Variants in RAD51B observed in about 807,000 individuals in gnomAD.
RAD51B encodes the protein DNA repair protein RAD51 homolog 2.
RAD51B carries 38 observed loss-of-function variants against 42.2 expected under a neutral mutation model. That is an observed-to-expected ratio of 0.90 (90% confidence interval 0.70 to 1.18). The LOEUF (loss-of-function observed/expected upper bound fraction) is 1.18, where lower values mean the gene tolerates loss of function less well. Among genes scored for constraint, RAD51B ranks in the 50% most tolerant of loss-of-function variants. RAD51B has a pLI of 0.00. For synonymous variants in RAD51B, 154 were observed against 145.2 expected (o/e 1.06, Z -0.43); for missense variants, 373 against 400.7 (o/e 0.93, Z 0.59).
At chr14:68,650,298 C>G (rs1219328373) in intron 10 of RAD51B, among the ~76,000 whole-genome samples, 1 of 152,168 alleles carries the variant, frequency 6.6e-6, no homozygotes, top group Non-Finnish European at 1.5e-5. Context: ...ATTCCTTAAT[C>G]CTACATGTGA....
At chr14:68,148,646 T>C (rs2078307090) in intron 7 of RAD51B, among the ~76,000 whole-genome samples, 1 of 152,234 alleles carries the variant, frequency 6.6e-6, no homozygotes, top group South Asian at 2.1e-4. Flanking sequence ...GCTAGTGATA[T>C]GTGTTACGAT....
intron 4 of RAD51B, among the ~76,000 whole-genome samples, chr14:67,861,720 G>A: frequency 6.6e-6 from 1 of 152,000 alleles, no homozygotes; most frequent in East Asian, 1.9e-4. Context: ...ACCAATCAAT[G>A]CAACACTGTT....
intron 10 of RAD51B, among the ~76,000 whole-genome samples, chr14:68,605,798 C>T (rs1418649559): frequency 6.6e-6 from 1 of 152,196 alleles, no homozygotes; most frequent in Non-Finnish European, 1.5e-5. Context: ...TCCTGCCCCC[C>T]TGCAAAGTTT....
intron 7 of RAD51B, among the ~76,000 whole-genome samples, chr14:67,929,524 A>G (rs1017973196): frequency 7.2e-5 from 11 of 152,194 alleles, no homozygotes; most frequent in Non-Finnish European, 1.6e-4. Context: ...AGAATTTTCT[A>G]TGTGCAGATG....
At chr14:68,076,178 T>G (rs1427120120) in intron 7 of RAD51B, among the ~76,000 whole-genome samples, 1 of 152,234 alleles carries the variant, frequency 6.6e-6, no homozygotes, top group East Asian at 1.9e-4. Flanking sequence ...GGCTTCTATG[T>G]GTCAGTTTCC....
intron 7 of RAD51B, among the ~76,000 whole-genome samples, chr14:68,166,483 A>C (rs143002224): frequency 6.6e-6 from 1 of 152,252 alleles, no homozygotes; most frequent in South Asian, 2.1e-4. Context: ...TTTGGCTTTC[A>C]GAAAGAGTTA....
At chr14:68,009,301 C>T (rs1455059019) in intron 7 of RAD51B, among the ~76,000 whole-genome samples, 1 of 151,842 alleles carries the variant, frequency 6.6e-6, no homozygotes, top group Non-Finnish European at 1.5e-5. Flanking sequence ...AAAGAATGAG[C>T]TTAGAAGTGA....
At chr14:68,508,061 G>A (rs559414644) in intron 10 of RAD51B, among the ~76,000 whole-genome samples, 2 of 152,298 alleles carry the variant, frequency 1.3e-5, no homozygotes, top group Admixed American at 6.5e-5. Context: ...ATCTGGCCAA[G>A]GGTTTAACCC....
At chr14:67,908,762 C>G (rs921750103) in intron 7 of RAD51B, 2 of 152,112 alleles carry the variant, frequency 1.3e-5, no homozygotes, top group East Asian at 3.9e-4. Context: ...ATGTCTTGGA[C>G]TCAGTTCTAT....
chr14:67,941,781 G>A (rs999906475), intron 7 of RAD51B, among the ~76,000 whole-genome samples: 1 of 152,246 alleles, frequency 6.6e-6, no homozygotes, highest in Non-Finnish European at 1.5e-5. Flanking sequence ...AGGATGTACA[G>A]AAACTCCTGC....
At chr14:67,820,456 G>C (rs1041760266) in intron 1 of RAD51B, among the ~76,000 whole-genome samples, 1 of 152,032 alleles carries the variant, frequency 6.6e-6, no homozygotes, top group African/African-American at 2.4e-5. Flanking sequence ...TTCTTTTCTT[G>C]GTGGTAAGGA....
At chr14:68,097,316 A>T (rs1268429132) in intron 7 of RAD51B, among the ~76,000 whole-genome samples, 1 of 152,058 alleles carries the variant, frequency 6.6e-6, no homozygotes, top group East Asian at 1.9e-4. Context: ...ATCTGAGAAT[A>T]GGAGTAGGGA....
chr14:67,991,183 C>T (rs975686031), intron 7 of RAD51B, among the ~76,000 whole-genome samples: 1 of 152,178 alleles, frequency 6.6e-6, no homozygotes, highest in Non-Finnish European at 1.5e-5. Flanking sequence ...AGCCTTCAGG[C>T]AGGAAGATGG....
chr14:67,828,984 T>C lies in RAD51B; in HGVS notation c.198+3407T>C, dbSNP rs112412635. Among the ~76,000 whole-genome samples, 4 of 152,348 alleles carry C rather than the reference T, an allele frequency of 2.6e-5. No individual in the cohort carries two copies. In the South Asian group the frequency reaches 8.3e-4, roughly 32 times the overall value. On this transcript the variant is annotated intron_variant, in intron 3 of 10. Coordinates refer to ENST00000471583, the MANE Select transcript of RAD51B (RefSeq NM_133510.4). ...CTATACAGGCTCCTTTTTGGTTTCA[T>C]ATGAATTTTAAAATAGCTTTTTAAA...
intron 9 of RAD51B, chr14:68,421,592 C>T (rs866679957): frequency 8.7e-5 from 74 of 854,528 alleles, no homozygotes; most frequent in Middle Eastern, 3.6e-4. Context: ...GGAACTGCAG[C>T]GAGAGCACAA....
intron 7 of RAD51B, among the ~76,000 whole-genome samples, chr14:68,277,610 A>G (rs1393486363): frequency 1.3e-5 from 2 of 152,240 alleles, no homozygotes. Context: ...TTATATTCAT[A>G]TAAATGTGTA....
At chr14:68,309,497 G>A (rs1324584114) in intron 8 of RAD51B, among the ~76,000 whole-genome samples, 1 of 152,148 alleles carries the variant, frequency 6.6e-6, no homozygotes, top group Non-Finnish European at 1.5e-5. Context: ...GAAAAGTGAA[G>A]GGCAAAGGAA....
chr14:68,307,148 T>C (rs2081883483), intron 8 of RAD51B, among the ~76,000 whole-genome samples: 1 of 152,078 alleles, frequency 6.6e-6, no homozygotes, highest in Non-Finnish European at 1.5e-5. Flanking sequence ...GCGTTTATTG[T>C]AGCCTGAAAC....
chr14:68,198,559 A>G (rs2140919493), intron 7 of RAD51B, among the ~76,000 whole-genome samples: 1 of 152,328 alleles, frequency 6.6e-6, no homozygotes. Flanking sequence ...GGAATTTTCC[A>G]TGACCATGAT....
Sources: allele counts gnomAD v4.1 joint callset (sites outside exome capture counted in the v4.1 genomes callset), GRCh38; gene constraint gnomAD v4.1.1; transcripts MANE v1.5; gene names NCBI Gene and HGNC (gene_info 2026-07-23, HGNC 2026-07-21).